Variants in PTPRD observed in about 807,000 individuals in gnomAD.
PTPRD encodes the protein receptor-type tyrosine-protein phosphatase delta.
A neutral mutation model predicts 214.5 loss-of-function variants in PTPRD; 34 were observed. That is an observed-to-expected ratio of 0.16 (90% confidence interval 0.12 to 0.21). The LOEUF (loss-of-function observed/expected upper bound fraction) is 0.21, where lower values mean the gene tolerates loss of function less well. Ranked by LOEUF, PTPRD falls within the 10% of genes least tolerant of loss-of-function variation. The pLI is 1.00. For missense variants in PTPRD, 2,545 were observed against 2,398.7 expected (o/e 1.06, Z -1.27); for synonymous variants, 1,128 against 845.7 (o/e 1.33, Z -5.79).
intron 11 of PTPRD, among the ~76,000 whole-genome samples, chr9:8,782,058 CGTTTATGGTATAAAA>C (rs2095726924): frequency 7.1e-6 from 1 of 140,278 alleles, no homozygotes; most frequent in African/African-American, 2.8e-5. Flanking sequence ...TAATGTTTTA[CGTTTATGGTATAAAA>C]CATACCATAA....
At chr9:10,361,548 T>C (rs2097392647) in intron 2 of PTPRD, among the ~76,000 whole-genome samples, 1 of 152,116 alleles carries the variant, frequency 6.6e-6, no homozygotes, top group African/African-American at 2.4e-5. Flanking sequence ...TGTATACAGT[T>C]GTGTCTACTA....
chr9:9,019,360 G>GAAAGAAAGAA lies in PTPRD; in HGVS notation c.-142-626_-142-625insTTCTTTCTTT, dbSNP rs879330252. Among the ~76,000 whole-genome samples, 69 of 149,720 alleles carry GAAAGAAAGAA rather than the reference G, an allele frequency of 4.6e-4. 1 individual carries two copies. The highest frequency in any genetic ancestry group is 1.6e-3 in the African/African-American group (67 of 40,708). On this transcript the variant is annotated intron_variant, in intron 10 of 45. Transcript: ENST00000381196. The stretch of plus-strand genomic sequence containing the variant: ...AGAACGAAAGAAAGAAAGAAAGAAA[G>GAAAGAAAGAA]AATCTGAATTTTAAAATTAGGCTGA...
intron 4 of PTPRD, among the ~76,000 whole-genome samples, chr9:9,985,975 G>A (rs2095696405): frequency 6.6e-6 from 1 of 152,204 alleles, no homozygotes; most frequent in East Asian, 1.9e-4. Context: ...TTACTCATTG[G>A]AAGACTACTT....
intron 7 of PTPRD, among the ~76,000 whole-genome samples, chr9:9,652,213 T>G (rs2096379569): frequency 6.6e-6 from 1 of 152,160 alleles, no homozygotes; most frequent in African/African-American, 2.4e-5. Flanking sequence ...AGTGTATCCT[T>G]GTCTTACTAT....
chr9:10,050,355 G>A (rs1165427303), intron 3 of PTPRD, among the ~76,000 whole-genome samples: 2 of 151,384 alleles, frequency 1.3e-5, no homozygotes, highest in African/African-American at 4.9e-5. Flanking sequence ...GTCAGGAGTT[G>A]GAGACCAGCC....
At chr9:9,929,085 A>G (rs1052983585) in intron 5 of PTPRD, among the ~76,000 whole-genome samples, 5 of 152,132 alleles carry the variant, frequency 3.3e-5, no homozygotes, top group African/African-American at 1.2e-4. Context: ...AGCAATAGAT[A>G]CCATATCTGT....
At chr9:10,204,431 A>T (rs1212631717) in intron 3 of PTPRD, among the ~76,000 whole-genome samples, 3 of 152,098 alleles carry the variant, frequency 2.0e-5, no homozygotes, top group African/African-American at 7.2e-5. Flanking sequence ...TATCACTCCC[A>T]TCTGATGGGG....
At chr9:9,319,119 G>A (rs1965068611) in intron 9 of PTPRD, among the ~76,000 whole-genome samples, 1 of 152,184 alleles carries the variant, frequency 6.6e-6, no homozygotes. Flanking sequence ...TTCTTAATCT[G>A]CAAATCAATA....
At chr9:9,314,875 T>C (rs368593237) in intron 9 of PTPRD, among the ~76,000 whole-genome samples, 1 of 152,026 alleles carries the variant, frequency 6.6e-6, no homozygotes, top group Admixed American at 6.6e-5. Flanking sequence ...AAGGACCTTT[T>C]TTTCCTCGTC....
chr9:9,135,578 A>G (rs1485048532), intron 10 of PTPRD, among the ~76,000 whole-genome samples: 2 of 152,208 alleles, frequency 1.3e-5, no homozygotes, highest in African/African-American at 4.8e-5. Context: ...AAGGTGGCTA[A>G]GTGCGATAGG....
rs577460862 is a variant in PTPRD, at chr9:9,448,463, C to T, written c.-236-50981G>A. Among the ~76,000 whole-genome samples, 32 of 152,194 alleles carry T rather than the reference C, an allele frequency of 2.1e-4. 1 individual carries two copies. The South Asian group carries it at 6.4e-3, about 31-fold the overall frequency. On this transcript the variant is annotated intron_variant, in intron 8 of 45. Transcript: ENST00000381196. The stretch of plus-strand genomic sequence containing the variant: ...CTTTGCAGTTCATTCTCTCTCTCTC[C>T]TGCTGCCTTGTGAAGAAGATGCCTG...
intron 11 of PTPRD, among the ~76,000 whole-genome samples, chr9:9,017,403 C>A (rs1036524234): frequency 6.6e-6 from 1 of 152,090 alleles, no homozygotes; most frequent in African/African-American, 2.4e-5. Flanking sequence ...CAGCAAATAG[C>A]AATTACAGGA....
intron 8 of PTPRD, among the ~76,000 whole-genome samples, chr9:9,525,405 C>T (rs2073891592): frequency 6.6e-6 from 1 of 152,018 alleles, no homozygotes; most frequent in Non-Finnish European, 1.5e-5. Context: ...AATCGATGTT[C>T]CTTTTACATA....
At chr9:9,952,098 C>A (rs2093508895) in intron 4 of PTPRD, among the ~76,000 whole-genome samples, 2 of 152,088 alleles carry the variant, frequency 1.3e-5, no homozygotes, top group Admixed American at 1.3e-4. Flanking sequence ...AATGGATTTA[C>A]CAGACAAGAT....
At chr9:10,075,239 C>T (rs1250542968) in intron 3 of PTPRD, among the ~76,000 whole-genome samples, 2 of 151,894 alleles carry the variant, frequency 1.3e-5, no homozygotes, top group Admixed American at 6.6e-5. Flanking sequence ...AAAAATGAGA[C>T]CCCCCGAAGG....
intron 2 of PTPRD, among the ~76,000 whole-genome samples, chr9:10,450,198 G>C (rs868427662): frequency 0.021 from 3,195 of 150,878 alleles, 121 homozygotes; most frequent in African/African-American, 0.066. Flanking sequence ...TATGACCCTG[G>C]CAAATCCCCC....
rs370610345 is a variant in PTPRD, at chr9:9,151,449, C to A, written c.-143+31855G>T. The stretch of plus-strand genomic sequence containing the variant: ...TGATGTCCCCCAGGCTGCAGGCAGG[C>A]GTCTGGGGATGGGTGCAAGACATCT... On this transcript the variant is annotated intron_variant, in intron 10 of 45. Coordinates refer to ENST00000381196, the MANE Select transcript of PTPRD (RefSeq NM_002839.4). Among the ~76,000 whole-genome samples the A allele has an allele frequency of 9.9e-5, 15 of 152,214 alleles. 1 individual carries two copies. The East Asian group carries it at 2.9e-3, about 29-fold the overall frequency.
At chr9:9,140,191 G>GAAA (rs71317401) in intron 10 of PTPRD, among the ~76,000 whole-genome samples, 16 of 141,244 alleles carry the variant, frequency 1.1e-4, no homozygotes, top group African/African-American at 4.2e-4. Context: ...TCCATGCATG[G>GAAA]AAAAAAAAAA....
chr9:10,362,391 C>A (rs868839982), intron 2 of PTPRD, among the ~76,000 whole-genome samples: 1 of 150,324 alleles, frequency 6.7e-6, no homozygotes, highest in Non-Finnish European at 1.5e-5. Flanking sequence ...CTTTTAAACC[C>A]AGGCAGTCTG....
Sources: gnomAD v4.1 joint callset for allele counts (sites outside exome capture counted in the v4.1 genomes callset) on GRCh38, gnomAD v4.1.1 for gene constraint, MANE v1.5 for transcripts, NCBI Gene and HGNC (gene_info 2026-07-23, HGNC 2026-07-21) for gene names.